DNAH6: variants seen among roughly 807,000 people sequenced by gnomAD.
DNAH6 encodes dynein axonemal heavy chain 6, also known as axonemal beta dynein heavy chain 6.
DNAH6 carries 340 observed loss-of-function variants against 491.4 expected under a neutral mutation model. The ratio of observed to expected loss-of-function variants is 0.69; its 90% CI spans 0.63 to 0.76. The LOEUF is 0.76. Ranked by LOEUF, DNAH6 falls within the 30% of genes least tolerant of loss-of-function variation. The probability of loss-of-function intolerance (pLI) is 0.00; values close to 1 mark genes in which losing one functional copy is unlikely to be tolerated. For synonymous variants in DNAH6, 1,603 were observed against 1,686.1 expected (o/e 0.95, Z 1.21); for missense variants, 4,443 against 4,972.2 (o/e 0.89, Z 3.20).
In DNAH6 at chr2:84,584,065, G is replaced by A. The variant is rs201732868; in HGVS notation, c.2296G>A (p.Val766Met). 14 of 1,614,144 alleles carry A rather than the reference G, an allele frequency of 8.7e-6. No individual in the cohort carries two copies. Among genetic ancestry groups the A allele is most frequent in the Non-Finnish European group, 1.7e-6 (2 of 1,180,014 alleles). Residue 766 changes from valine to methionine, a missense_variant, in exon 15 of 77, where the codon GTG becomes ATG. Around this residue, in one of 3 missense-constraint regions of DNAH6, gnomAD observed 2,977 missense variants for 3,296.6 expected, o/e 0.90. Transcript: ENST00000389394. Reference sequence around the variant, plus strand: ...GTACAAGCTTATGGAACAATATCAGGTGCCCACACCTCCTGAAGACTTTGC... The same window carrying A: ...GTACAAGCTTATGGAACAATATCAGATGCCCACACCTCCTGAAGACTTTGC... ...QMYKLMEQYQ[V>M]PTPPEDFAVF...
Position 84,573,551 on chromosome 2 carries a change from A to G in DNAH6, c.1888A>G (p.Ser630Gly). 1 of 1,589,222 alleles carries G rather than the reference A, an allele frequency of 6.3e-7. No homozygotes were observed. The highest frequency in any genetic ancestry group is 1.2e-5 in the South Asian group (1 of 85,780). ...CCAGATATTCTTCAAGGAAAATGAA[A>G]GTCTTGATTTACAAGCTCTTAAACT... is the stretch of plus-strand genomic sequence containing the variant. ...KFQIFFKENE[S>G]LDLQALKLQE... Residue 630 changes from serine (S) to glycine (G), a missense_variant, in exon 12 of 77, where the codon AGT becomes GGT. Coordinates refer to ENST00000389394, the MANE Select transcript of DNAH6 (RefSeq NM_001370.2).
At chr2:84,729,940 T>A (rs1489940679) in intron 61 of DNAH6, among the ~76,000 whole-genome samples, 2 of 152,172 alleles carry the variant, frequency 1.3e-5, no homozygotes, top group Admixed American at 6.5e-5. Flanking sequence ...TGCATAAAAC[T>A]TTTTCTGTGG....
chr2:84,650,764 T>C (rs1229258714), intron 33 of DNAH6, among the ~76,000 whole-genome samples: 1 of 152,208 alleles, frequency 6.6e-6, no homozygotes, highest in Non-Finnish European at 1.5e-5. Flanking sequence ...AACGTTTCTC[T>C]CATCTCAGTG....
At chr2:84,579,488 A>G (rs781313403) in intron 13 of DNAH6, 39 bp from the exon 14 acceptor site, 9 of 1,601,700 alleles carry the variant, frequency 5.6e-6, no homozygotes, top group Admixed American at 1.7e-5. Context: ...AAATGAAAAT[A>G]TTCGACTATT....
At chr2:84,582,554 C>A (rs1168218800) in intron 14 of DNAH6, among the ~76,000 whole-genome samples, 1 of 152,220 alleles carries the variant, frequency 6.6e-6, no homozygotes, top group Admixed American at 6.5e-5. Flanking sequence ...CGGGTTCACG[C>A]CATTCTCCTG....
intron 62 of DNAH6, among the ~76,000 whole-genome samples, chr2:84,740,728 C>T (rs1672449034): frequency 2.0e-5 from 3 of 152,124 alleles, no homozygotes; most frequent in Admixed American, 1.3e-4. Context: ...CCGTTATGAC[C>T]CATGCAGACC....
intron 76 of DNAH6, among the ~76,000 whole-genome samples, chr2:84,818,484 C>CAAAAAAA (rs59242387): frequency 1.1e-4 from 7 of 63,844 alleles, no homozygotes; most frequent in African/African-American, 2.1e-4. Flanking sequence ...GACCCTATCT[C>CAAAAAAA]AAAAAAAAAA....
intron 64 of DNAH6, chr2:84,777,625 A>C: frequency 1.2e-6 from 1 of 802,906 alleles, no homozygotes; most frequent in Non-Finnish European, 2.3e-6. Flanking sequence ...TCAGGGAGAC[A>C]TCAGCAACAT....
chr2:84,667,001 A>T (rs1692195498), intron 37 of DNAH6, among the ~76,000 whole-genome samples: 1 of 152,218 alleles, frequency 6.6e-6, no homozygotes, highest in Admixed American at 6.5e-5. Flanking sequence ...TGGGGAAACA[A>T]TTCCCTATTT....
At chr2:84,655,458 A>G (rs754356373) in intron 35 of DNAH6, among the ~76,000 whole-genome samples, 1 of 152,080 alleles carries the variant, frequency 6.6e-6, no homozygotes, top group Non-Finnish European at 1.5e-5. Flanking sequence ...CCCACATCTC[A>G]TCCCCTACTC....
chr2:84,758,189 C>T (rs1029652110), intron 63 of DNAH6, among the ~76,000 whole-genome samples: 1 of 152,116 alleles, frequency 6.6e-6, no homozygotes, highest in African/African-American at 2.4e-5. Context: ...ATTTCTCCAA[C>T]TTTTTAAGTT....
intron 3 of DNAH6, among the ~76,000 whole-genome samples, chr2:84,526,857 T>A (rs1213349595): frequency 6.6e-6 from 1 of 152,116 alleles, no homozygotes; most frequent in East Asian, 1.9e-4. Context: ...TCATTTGGCA[T>A]AAAGAGGGCT....
intron 64 of DNAH6, among the ~76,000 whole-genome samples, chr2:84,763,714 ATGTGTGTGTGTGTGTGTG>A (rs70953906): frequency 0.039 from 4,910 of 126,904 alleles, 281 homozygotes; most frequent in African/African-American, 0.13. Flanking sequence ...AACTGATAGG[ATGTGTGTGTGTGTGTGTG>A]TGTGTGTGTG....
chr2:84,688,439 T>G lies in DNAH6; in HGVS notation c.7138T>G (p.Phe2380Val). ...KPIIFGDFIK[F>V]GADKADRIYD... The stretch of plus-strand genomic sequence containing the variant: ...TTGGTTCTTCTCCCATAAATTATAG[T>G]TTGGAGCAGATAAAGCTGATCGGAT... Residue 2380 changes from phenylalanine to valine, a missense_variant and splice_region_variant, in exon 45 of 77, where the codon TTT becomes GTT. Phe to Val is a conservative substitution (Grantham distance 50, BLOSUM62 -1). Transcript: ENST00000389394. 4 of 1,500,784 alleles carry G rather than the reference T, an allele frequency of 2.7e-6. No individual in the cohort carries two copies. Among genetic ancestry groups the G allele is most frequent in the Non-Finnish European group, 3.5e-6 (4 of 1,132,306 alleles). The allele number at this position is 1,500,784 out of a possible 1,614,324, so 93.0% of individuals were successfully genotyped here. A position where few individuals can be genotyped will look rare whatever the true frequency, so the allele number is the denominator to read the frequency against.
At chr2:84,582,650 C>A (rs968457403) in intron 14 of DNAH6, among the ~76,000 whole-genome samples, 1 of 152,164 alleles carries the variant, frequency 6.6e-6, no homozygotes, top group Non-Finnish European at 1.5e-5. Context: ...GACGGGGTTT[C>A]ACCGTGTTAG....
intron 33 of DNAH6, among the ~76,000 whole-genome samples, chr2:84,651,953 CTT>C (rs1338398048): frequency 6.9e-6 from 1 of 144,654 alleles, no homozygotes; most frequent in Non-Finnish European, 1.5e-5. Flanking sequence ...ATGCATGAGT[CTT>C]TTTTTTTTTA....
intron 10 of DNAH6, among the ~76,000 whole-genome samples, chr2:84,553,415 TTCTTTCTTTCTTTCTTTCTTTTTCTC>T (rs1679676854): frequency 6.8e-6 from 1 of 147,036 alleles, no homozygotes; most frequent in Admixed American, 6.8e-5. Flanking sequence ...CTTTCTTTCT[TTCTTTCTTTCTTTCTTTCTTTTTCTC>T]TTTCTCTCTC....
intron 26 of DNAH6, among the ~76,000 whole-genome samples, chr2:84,622,183 T>C (rs1311091604): frequency 1.3e-5 from 2 of 152,190 alleles, no homozygotes; most frequent in African/African-American, 4.8e-5. Flanking sequence ...TATAAATAGA[T>C]CATGCAGGAT....
chr2:84,497,304 T>A, the DNAH6 span, among the ~76,000 whole-genome samples: 1 of 152,188 alleles, frequency 6.6e-6, no homozygotes, highest in Non-Finnish European at 1.5e-5. Context: ...TCTGGGTTTT[T>A]TTTTCGTTCA....
Sources: allele counts gnomAD v4.1 joint callset (sites outside exome capture counted in the v4.1 genomes callset), GRCh38; gene constraint gnomAD v4.1.1; regional missense constraint gnomAD v4.1.1; transcripts MANE v1.5; gene names NCBI Gene and HGNC (gene_info 2026-07-23, HGNC 2026-07-21).